CEP112: variants seen among roughly 807,000 people sequenced by gnomAD.
CEP112 encodes the protein centrosomal protein 112, also known as centrosomal protein of 112 kDa.
In CEP112, 127 loss-of-function variants were observed where a neutral mutation model predicts 153.0. The ratio of observed to expected loss-of-function variants is 0.83; its 90% CI spans 0.72 to 0.96. The LOEUF is 0.96. CEP112 is among the 40% of genes least tolerant of loss of function. The pLI is 0.00. For missense variants in CEP112, 1,089 were observed against 1,101.2 expected (o/e 0.99, Z 0.16); for synonymous variants, 358 against 374.4 (o/e 0.96, Z 0.51).
chr17:65,989,512 C>T (rs1162444508), intron 17 of CEP112, among the ~76,000 whole-genome samples: 1 of 150,590 alleles, frequency 6.6e-6, no homozygotes, highest in African/African-American at 2.4e-5. Flanking sequence ...ATGCTATATA[C>T]AGCAAAACTA....
intron 8 of CEP112, among the ~76,000 whole-genome samples, chr17:66,082,492 G>A (rs748863367): frequency 1.4e-4 from 21 of 152,276 alleles, no homozygotes; most frequent in Non-Finnish European, 2.2e-4. Context: ...GGTCAGGTGC[G>A]GTGCCTCATG....
intron 18 of CEP112, among the ~76,000 whole-genome samples, chr17:65,936,675 A>C (rs1313114266): frequency 8.2e-6 from 1 of 122,202 alleles, no homozygotes; most frequent in East Asian, 8.1e-4. Flanking sequence ...AAAATGAAGA[A>C]TAAAAACCAC....
rs373616891 is a variant in CEP112 at position 65,943,588 on chromosome 17, T to G, written c.1873-15899A>C. 3.1e-4 allele frequency among the ~76,000 whole-genome samples: 47 copies of G among 152,340 alleles called. 1 individual carries two copies. The East Asian group carries it at 8.1e-3, about 26-fold the overall frequency. On this transcript the variant is annotated intron_variant, in intron 18 of 26. Transcript: ENST00000535342. Reference sequence around the variant, plus strand: ...TCTGCTGAGAGGTCTACTGTTAGTCTGATGAGTTTCTCTTTGTAGGTGACC... The same window carrying G: ...TCTGCTGAGAGGTCTACTGTTAGTCGGATGAGTTTCTCTTTGTAGGTGACC...
At chr17:66,134,655 T>A (rs944285498) in intron 4 of CEP112, among the ~76,000 whole-genome samples, 1 of 152,024 alleles carries the variant, frequency 6.6e-6, no homozygotes, top group Non-Finnish European at 1.5e-5. Flanking sequence ...CTGGGCAACA[T>A]GCGACAAAAA....
chr17:65,744,510 G>C (rs2051328731), intron 22 of CEP112, among the ~76,000 whole-genome samples: 1 of 152,170 alleles, frequency 6.6e-6, no homozygotes, highest in East Asian at 1.9e-4. Flanking sequence ...CTCCCAAAGT[G>C]CTGGGATTAC....
chr17:65,876,008 C>T (rs531387489), intron 20 of CEP112, among the ~76,000 whole-genome samples: 1 of 152,268 alleles, frequency 6.6e-6, no homozygotes, highest in Admixed American at 6.5e-5. Flanking sequence ...TTCTCCCTTG[C>T]ATTTTCTGCT....
chr17:65,968,021 A>G (rs1380436868), intron 17 of CEP112, among the ~76,000 whole-genome samples: 1 of 152,158 alleles, frequency 6.6e-6, no homozygotes, highest in Non-Finnish European at 1.5e-5. Flanking sequence ...TTCCATTTAT[A>G]AATTGTACAC....
chr17:65,717,291 C>T (rs539464257), intron 23 of CEP112, among the ~76,000 whole-genome samples: 1 of 152,148 alleles, frequency 6.6e-6, no homozygotes, highest in Non-Finnish European at 1.5e-5. Context: ...ACGCAAGTGG[C>T]TAGATGGGCG....
chr17:65,753,339 G>A (rs2052007095), intron 21 of CEP112, among the ~76,000 whole-genome samples: 1 of 152,100 alleles, frequency 6.6e-6, no homozygotes, highest in Non-Finnish European at 1.5e-5. Context: ...ATGAATGAGT[G>A]GATGCCGTAC....
intron 23 of CEP112, among the ~76,000 whole-genome samples, chr17:65,741,381 AAGTG>A (rs1414862572): frequency 6.6e-6 from 1 of 152,098 alleles, no homozygotes; most frequent in Non-Finnish European, 1.5e-5. Flanking sequence ...TGTATAATCT[AAGTG>A]AGTGAATCAA....
At chr17:65,637,312 G>C (rs2044825250) in intron 25 of CEP112, 124 bp from the exon 26 acceptor site, 3 of 699,342 alleles carry the variant, frequency 4.3e-6, no homozygotes, top group Non-Finnish European at 7.7e-6. Context: ...AGGATTTGTT[G>C]AATGTCAATG....
At chr17:66,101,772 T>A (rs1300977331) in intron 6 of CEP112, among the ~76,000 whole-genome samples, 1 of 151,974 alleles carries the variant, frequency 6.6e-6, no homozygotes, top group Non-Finnish European at 1.5e-5. Context: ...AAATACATGC[T>A]GGAAAAAAAT....
At chr17:65,857,355 TA>T (rs1327948530) in intron 20 of CEP112, among the ~76,000 whole-genome samples, 1 of 152,232 alleles carries the variant, frequency 6.6e-6, no homozygotes, top group Non-Finnish European at 1.5e-5. Context: ...TTCCTTCATT[TA>T]AAATACATTA....
At chr17:65,681,197 T>C (rs973977495) in intron 24 of CEP112, among the ~76,000 whole-genome samples, 2 of 152,188 alleles carry the variant, frequency 1.3e-5, no homozygotes, top group African/African-American at 4.8e-5. Flanking sequence ...GATCGGGTCC[T>C]TACCCTAAGG....
intron 2 of CEP112, among the ~76,000 whole-genome samples, chr17:66,180,681 GTC>G (rs2072683777): frequency 6.6e-6 from 1 of 152,024 alleles, no homozygotes; most frequent in African/African-American, 2.4e-5. Context: ...ACATATAATG[GTC>G]TATATTATCT....
intron 4 of CEP112, among the ~76,000 whole-genome samples, chr17:66,164,072 G>C (rs1335739203): frequency 6.6e-6 from 1 of 152,192 alleles, no homozygotes; most frequent in African/African-American, 2.4e-5. Flanking sequence ...AAATACCTAA[G>C]AGTGACATTT....
chr17:66,032,329 G>C (rs371804969), intron 12 of CEP112, among the ~76,000 whole-genome samples: 1 of 145,114 alleles, frequency 6.9e-6, no homozygotes, highest in East Asian at 2.1e-4. Context: ...GCATTCACAG[G>C]GCAGGAAGCC....
At chr17:66,103,117 C>T (rs1440960003) in intron 6 of CEP112, among the ~76,000 whole-genome samples, 1 of 151,606 alleles carries the variant, frequency 6.6e-6, no homozygotes, top group African/African-American at 2.4e-5. Flanking sequence ...CCCAGCTACT[C>T]GGAAGGCTGA....
At chr17:65,836,503 A>G (rs12947336) in intron 21 of CEP112, among the ~76,000 whole-genome samples, 11 of 152,200 alleles carry the variant, frequency 7.2e-5, no homozygotes, top group Non-Finnish European at 1.5e-4. Flanking sequence ...CACTTATATT[A>G]GTTTATGTTG....
Sources: gnomAD v4.1 joint callset for allele counts (sites outside exome capture counted in the v4.1 genomes callset) on GRCh38, gnomAD v4.1.1 for gene constraint, MANE v1.5 for transcripts, NCBI Gene and HGNC (gene_info 2026-07-23, HGNC 2026-07-21) for gene names.